The following ACSF2 variants were observed in gnomAD, a reference collection of about 807,000 sequenced individuals.
The protein encoded by ACSF2 is medium-chain acyl-CoA ligase ACSF2, mitochondrial.
In ACSF2, 52 loss-of-function variants were observed where a neutral mutation model predicts 79.3. That is an observed-to-expected ratio of 0.66 (90% CI 0.53 to 0.83). ACSF2 has a LOEUF of 0.83. ACSF2 is among the 40% of genes least tolerant of loss of function. ACSF2 has a pLI of 0.00. For missense variants in ACSF2, 661 were observed against 803.3 expected (o/e 0.82, Z 2.14); for synonymous variants, 283 against 312.6 (o/e 0.91, Z 1.00).
intron 1 of ACSF2, among the ~76,000 whole-genome samples, chr17:50,456,107 G>T (rs2031976178): frequency 6.6e-6 from 1 of 152,174 alleles, no homozygotes; most frequent in South Asian, 2.1e-4. Flanking sequence ...GAGCTGTGGA[G>T]TGCCCCGTCC....
At position 50,472,429 on chromosome 17, in the gene ACSF2, C is replaced by A; in HGVS notation, c.1325C>A (p.Ala442Asp). The part of the protein sequence containing the change: ...SVGRIMPHTE[A>D]RIMNMEAGTL... ...CAACCTGAGGCCATCCTGTCCCAGG[C>A]CCGGATCATGAACATGGAGGCAGGG... is the stretch of plus-strand genomic sequence containing the variant. Residue 442 changes from alanine to aspartate, a missense_variant and splice_region_variant, in exon 12 of 16, where the codon GCC becomes GAC. By Grantham distance (126) the Ala-to-Asp change is moderately radical. Coordinates refer to ENST00000300441, the MANE Select transcript of ACSF2 (RefSeq NM_025149.6). 2 of 1,611,902 alleles carry A rather than the reference C, an allele frequency of 1.2e-6. No individual in the cohort carries two copies. Among genetic ancestry groups the A allele is most frequent in the Non-Finnish European group, 1.7e-6 (2 of 1,179,108 alleles).
At position 50,474,435 on chromosome 17, in the gene ACSF2, G is replaced by A; in HGVS notation, c.1798-67G>A. 1.3e-6 allele frequency: 2 copies of A among 1,575,986 alleles called. No homozygotes were observed. The highest frequency in any genetic ancestry group is 2.2e-5 in the South Asian group (2 of 90,086). On this transcript the variant is annotated intron_variant, in intron 15 of 15. Coordinates refer to ENST00000300441, the MANE Select transcript of ACSF2 (RefSeq NM_025149.6). The surrounding 1 kb of genome is among the most constrained non-coding windows in gnomAD (Gnocchi z 4.2). The stretch of plus-strand genomic sequence containing the variant: ...TTCCCTGTTTTGGCACTAAGAGCCT[G>A]AGAAACCCCTTATTCTTGGGTGAAC...
chr17:50,456,504 G>A (rs1452295492), intron 1 of ACSF2, among the ~76,000 whole-genome samples: 5 of 151,888 alleles, frequency 3.3e-5, no homozygotes, highest in Non-Finnish European at 5.9e-5. Flanking sequence ...AGGCCGAGGC[G>A]GGCGGATCAC....
At chr17:50,473,429 T>C in intron 12 of ACSF2, 2 of 526,696 alleles carry the variant, frequency 3.8e-6, no homozygotes, top group African/African-American at 1.9e-5. Context: ...TGAAAAGCTA[T>C]GTATAGATGT....
At chr17:50,447,779 G>A (rs2031394403) in intron 1 of ACSF2, among the ~76,000 whole-genome samples, 1 of 152,196 alleles carries the variant, frequency 6.6e-6, no homozygotes, top group South Asian at 2.1e-4. Flanking sequence ...CACTTAGGAT[G>A]AAAGCAAGCC....
chr17:50,442,324 A>AAAAC (rs1491243689), intron 1 of ACSF2, among the ~76,000 whole-genome samples: 1 of 103,544 alleles, frequency 9.7e-6, no homozygotes, highest in Non-Finnish European at 1.8e-5. Flanking sequence ...AAAACAAAAC[A>AAAAC]ATTTTTTTTT....
chr17:50,466,325 G>A (rs892125673), intron 10 of ACSF2, among the ~76,000 whole-genome samples: 6 of 152,156 alleles, frequency 3.9e-5, no homozygotes, highest in Admixed American at 6.5e-5. Context: ...TCCTGACCTC[G>A]TGATCTACCC....
intron 1 of ACSF2, among the ~76,000 whole-genome samples, chr17:50,453,185 A>G (rs2031781099): frequency 6.6e-6 from 1 of 152,158 alleles, no homozygotes. Flanking sequence ...ATGGGAGTTC[A>G]TGATACTCAC....
At chr17:50,457,218 C>G (rs949514939) in intron 1 of ACSF2, among the ~76,000 whole-genome samples, 1 of 152,194 alleles carries the variant, frequency 6.6e-6, no homozygotes, top group Non-Finnish European at 1.5e-5. Flanking sequence ...GGAATGTGAA[C>G]AGAGCAAATT....
chr17:50,441,771 C>T (rs2030935447), intron 1 of ACSF2, among the ~76,000 whole-genome samples: 2 of 152,176 alleles, frequency 1.3e-5, no homozygotes, highest in Non-Finnish European at 2.9e-5. Flanking sequence ...TCTGCTTTAT[C>T]ACCTACAGTG....
Position 50,449,843 on chromosome 17 carries a change from TCAG to T in ACSF2, c.129-10831_129-10829del, listed in dbSNP as rs1405985602. 1.2e-4 allele frequency among the ~76,000 whole-genome samples: 18 copies of T among 152,306 alleles called. No individual in the cohort carries two copies. In the East Asian group the frequency reaches 3.3e-3, roughly 28 times the overall value. Reference sequence around the variant, plus strand: ...GTACACTCACACTTTTGTGCAAGCATCAGCACCACCCACCTCCAGAACTTTTTC... The same window carrying T: ...GTACACTCACACTTTTGTGCAAGCATCACCACCCACCTCCAGAACTTTTTC... On this transcript the variant is annotated intron_variant, in intron 1 of 15. Transcript: ENST00000300441.
intron 11 of ACSF2, 152 bp from the exon 12 acceptor site, chr17:50,472,276 T>C: frequency 1.1e-6 from 1 of 872,944 alleles, no homozygotes; most frequent in South Asian, 1.9e-5. Flanking sequence ...TTTGTCTCCC[T>C]TCTCTGGATG....
chr17:50,440,999 C>T (rs2030865621), intron 1 of ACSF2, among the ~76,000 whole-genome samples: 1 of 152,264 alleles, frequency 6.6e-6, no homozygotes, highest in African/African-American at 2.4e-5. Flanking sequence ...CCGGGAGGGG[C>T]TCCCCATGGA....
chr17:50,437,324 A>G (rs578252337), intron 1 of ACSF2, among the ~76,000 whole-genome samples: 113 of 152,222 alleles, frequency 7.4e-4, no homozygotes, highest in Non-Finnish European at 1.4e-3. Flanking sequence ...TGTGAATTTC[A>G]TGGACAAGTG....
Position 50,462,598 on chromosome 17 carries a change from T to G in ACSF2, c.792+13T>G. The G allele has an allele frequency of 6.2e-7, 1 of 1,608,000 alleles. No homozygotes were observed. The highest frequency in any genetic ancestry group is 8.5e-7 in the Non-Finnish European group (1 of 1,175,574). ...CCAGTTCACCTCGGTAGGGCAGAGG[T>G]CTCCAGGCCCCAAGCCCAGATGGAC... On this transcript the variant is annotated intron_variant, in intron 6 of 15. Coordinates refer to ENST00000300441, the MANE Select transcript of ACSF2 (RefSeq NM_025149.6).
chr17:50,450,208 C>G (rs112671608), intron 1 of ACSF2: 2,152 of 155,830 alleles, frequency 0.014, 21 homozygotes, highest in South Asian at 0.022. Flanking sequence ...CTGCCCGATT[C>G]TTTGGCATCA....
chr17:50,428,223 T>C lies in ACSF2; in HGVS notation c.128+1834T>C, dbSNP rs972879173. Among the ~76,000 whole-genome samples the C allele has an allele frequency of 2.0e-5, 3 of 152,340 alleles. 1 individual carries two copies. Among genetic ancestry groups the C allele is most frequent in the African/African-American group, 7.2e-5 (3 of 41,572 alleles). On this transcript the variant is annotated intron_variant, in intron 1 of 15. Transcript: ENST00000300441. ...AAATAAAGGCTGGGTGGGTGGCTCA[T>C]GCCTGTAATCCCAGCACTTTGGGAA...
At chr17:50,465,701 T>C (rs1333976909) in intron 10 of ACSF2, 21 of 1,613,096 alleles carry the variant, frequency 1.3e-5, no homozygotes, top group Admixed American at 1.7e-5. Flanking sequence ...ATGGAAGTGT[T>C]CTTACCGCCG....
Position 50,461,902 on chromosome 17 carries a change from G to A in ACSF2, c.507+216G>A, listed in dbSNP as rs955640961. On this transcript the variant is annotated intron_variant, in intron 4 of 15. Coordinates refer to ENST00000300441, the MANE Select transcript of ACSF2 (RefSeq NM_025149.6). ...AAACCTGGCGTGAGTGTGCAGGGAC[G>A]GGGGCATGTGTGTGTCAGGGCAGAG... Among the ~76,000 whole-genome samples the A allele has an allele frequency of 3.3e-5, 5 of 151,418 alleles. No individual in the cohort carries two copies. In the East Asian group the frequency reaches 5.9e-4, roughly 18 times the overall value.
Sources: allele counts gnomAD v4.1 joint callset (sites outside exome capture counted in the v4.1 genomes callset), GRCh38; gene constraint gnomAD v4.1.1; non-coding constraint Gnocchi (gnomAD v3.1); transcripts MANE v1.5; gene names NCBI Gene and HGNC (gene_info 2026-07-23, HGNC 2026-07-21).